C12orf42: variants seen among roughly 807,000 people sequenced by gnomAD.
C12orf42 encodes the protein uncharacterized protein C12orf42.
Under a neutral mutation model 21.6 loss-of-function variants are expected in C12orf42, and 25 were observed. The observed-to-expected ratio is 1.16, with a 90% CI of 0.84 to 1.62. C12orf42 has a LOEUF of 1.62. Among genes scored for constraint, C12orf42 ranks in the 40% most tolerant of loss-of-function variants. C12orf42 has a pLI of 0.00. For missense variants in C12orf42, 483 were observed against 459.3 expected (o/e 1.05, Z -0.47); for synonymous variants, 174 against 175.0 (o/e 0.99, Z 0.05).
the C12orf42 span, among the ~76,000 whole-genome samples, chr12:103,157,989 G>A: frequency 1.3e-5 from 2 of 152,072 alleles, no homozygotes; most frequent in Non-Finnish European, 2.9e-5. Flanking sequence ...CTCTCACAAA[G>A]AAATATTTTC....
intron 3 of C12orf42, among the ~76,000 whole-genome samples, chr12:103,394,213 T>G (rs1222493653): frequency 1.3e-5 from 2 of 152,206 alleles, no homozygotes; most frequent in African/African-American, 4.8e-5. Flanking sequence ...GAGAGGAGAT[T>G]GAGAATGAGT....
At chr12:103,514,053 G>A in the C12orf42 span, among the ~76,000 whole-genome samples, 2 of 152,172 alleles carry the variant, frequency 1.3e-5, no homozygotes, top group Non-Finnish European at 2.9e-5. Context: ...GAGGCCTCAG[G>A]ATACTTAACA....
the C12orf42 span, among the ~76,000 whole-genome samples, chr12:103,216,157 TTCTC>T: frequency 3.3e-5 from 5 of 152,218 alleles, no homozygotes; most frequent in Admixed American, 6.5e-5. Flanking sequence ...TCTTTCCTTC[TTCTC>T]TCTAATATGA....
chr12:103,202,862 GT>G, the C12orf42 span, among the ~76,000 whole-genome samples: 1 of 152,190 alleles, frequency 6.6e-6, no homozygotes, highest in Non-Finnish European at 1.5e-5. Context: ...TCAGTTTATT[GT>G]GAGATTGATG....
intron 2 of C12orf42, among the ~76,000 whole-genome samples, chr12:103,411,459 A>C (rs556660115): frequency 2.0e-5 from 3 of 152,340 alleles, no homozygotes; most frequent in African/African-American, 7.2e-5. Flanking sequence ...TGATACAAAC[A>C]ATTATTGCTA....
At chr12:103,134,359 G>T in the C12orf42 span, among the ~76,000 whole-genome samples, 1 of 151,868 alleles carries the variant, frequency 6.6e-6, no homozygotes, top group African/African-American at 2.4e-5. Context: ...ATAATACCAA[G>T]AGATTAGAAA....
chr12:103,255,741 C>T (rs867747376), intron 10 of C12orf42, among the ~76,000 whole-genome samples: 1 of 151,782 alleles, frequency 6.6e-6, no homozygotes, highest in African/African-American at 2.4e-5. Context: ...TTAAATATGT[C>T]ATTATTATAT....
At chr12:103,167,914 T>G in the C12orf42 span, 8,168 of 215,626 alleles carry the variant, frequency 0.038, 254 homozygotes, top group African/African-American at 0.17. Context: ...GTGTGTGTGT[T>G]TGTGTCTGTG....
chr12:103,439,233 C>T (rs1951000467), intron 2 of C12orf42, among the ~76,000 whole-genome samples: 1 of 151,654 alleles, frequency 6.6e-6, no homozygotes, highest in Admixed American at 6.6e-5. Flanking sequence ...GGATCCCTTC[C>T]TTACACCTTA....
the C12orf42 span, among the ~76,000 whole-genome samples, chr12:103,064,744 G>A: frequency 1.3e-5 from 2 of 151,794 alleles, no homozygotes; most frequent in African/African-American, 2.4e-5. Context: ...TAACTGTATT[G>A]GGGAAAGGGA....
At position 103,302,001 on chromosome 12, in the gene C12orf42, TA is replaced by T; in HGVS notation, c.*106del. 2.4e-6 allele frequency: 3 copies of T among 1,269,324 alleles called. No individual in the cohort carries two copies. Among genetic ancestry groups the T allele is most frequent in the Non-Finnish European group, 3.3e-6 (3 of 915,334 alleles). The allele number at this position is 1,269,324 out of a possible 1,614,324, so 78.6% of individuals were successfully genotyped here. On this transcript the variant is annotated 3_prime_UTR_variant, in exon 6 of 6. Transcript: ENST00000548883. ...GGTTCAAAAATGCTTCACAAAAGCC[TA>T]ACAATGGTTCTGTGGAAACCAGTAC... is the stretch of plus-strand genomic sequence containing the variant.
At chr12:103,221,971 A>G in the C12orf42 span, among the ~76,000 whole-genome samples, 1,828 of 152,336 alleles carry the variant, frequency 0.012, 24 homozygotes, top group Non-Finnish European at 0.019. Flanking sequence ...AAGGAACTCA[A>G]ACTAGGAGTT....
the C12orf42 span, among the ~76,000 whole-genome samples, chr12:103,047,706 C>A: frequency 6.6e-6 from 1 of 152,166 alleles, no homozygotes; most frequent in Non-Finnish European, 1.5e-5. Context: ...CCAGGCCTGG[C>A]TGATCTTGGT....
chr12:103,118,613 A>G, the C12orf42 span, among the ~76,000 whole-genome samples: 880 of 152,018 alleles, frequency 5.8e-3, 8 homozygotes, highest in Non-Finnish European at 7.7e-3. Context: ...CCTGGCTAAC[A>G]CGGTGAAACC....
At chr12:103,292,750 A>G (rs564828780) in intron 4 of C12orf42, among the ~76,000 whole-genome samples, 9 of 152,240 alleles carry the variant, frequency 5.9e-5, no homozygotes, top group East Asian at 1.9e-4. Context: ...TAAAGTATTC[A>G]TCTTTAAATA....
intron 10 of C12orf42, among the ~76,000 whole-genome samples, chr12:103,263,103 G>C (rs570135348): frequency 1.3e-5 from 2 of 152,190 alleles, no homozygotes; most frequent in Admixed American, 6.5e-5. Flanking sequence ...ATTGAACAAT[G>C]AGATCACTTG....
chr12:103,230,034 C>T, the C12orf42 span, among the ~76,000 whole-genome samples: 12 of 152,284 alleles, frequency 7.9e-5, no homozygotes, highest in Non-Finnish European at 1.6e-4. Context: ...CTGGTCTATG[C>T]TGCAAAACAA....
chr12:103,375,611 C>T (rs2045624930), intron 3 of C12orf42, among the ~76,000 whole-genome samples: 4 of 152,012 alleles, frequency 2.6e-5, no homozygotes, highest in Admixed American at 6.6e-5. Flanking sequence ...AATTATGACA[C>T]CAAAATATTA....
At chr12:103,097,368 T>G in the C12orf42 span, among the ~76,000 whole-genome samples, 55 of 152,296 alleles carry the variant, frequency 3.6e-4, no homozygotes, top group African/African-American at 1.3e-3. Flanking sequence ...GACAAAGGCT[T>G]TAGCATTCTT....
Sources: gnomAD v4.1 joint callset for allele counts (sites outside exome capture counted in the v4.1 genomes callset) on GRCh38, gnomAD v4.1.1 for gene constraint, MANE v1.5 for transcripts, NCBI Gene and HGNC (gene_info 2026-07-23, HGNC 2026-07-21) for gene names.